The following TIMP3 variants were observed in gnomAD, a reference collection of about 807,000 sequenced individuals.
TIMP3 encodes TIMP metallopeptidase inhibitor 3.
TIMP3 carries 11 observed loss-of-function variants against 30.0 expected under a neutral mutation model. The observed-to-expected ratio is 0.37, with a 90% CI of 0.23 to 0.61. The LOEUF (loss-of-function observed/expected upper bound fraction) is 0.61. Ranked by LOEUF, TIMP3 falls within the 20% of genes least tolerant of loss-of-function variation. The pLI is 0.70. For missense variants in TIMP3, 181 were observed against 276.8 expected (o/e 0.65, Z 2.45); for synonymous variants, 112 against 111.3 (o/e 1.01, Z -0.04).
At chr22:32,811,482 G>C (rs2046913452) in intron 1 of TIMP3, among the ~76,000 whole-genome samples, 1 of 152,184 alleles carries the variant, frequency 6.6e-6, no homozygotes, top group Non-Finnish European at 1.5e-5. Flanking sequence ...GGGTCATATA[G>C]AGAGAGCTGA....
In TIMP3 at chr22:32,862,899, G is replaced by A. The variant is rs2048585337; in HGVS notation, c.*3522G>A. 1 of 152,694 alleles carries A rather than the reference G, an allele frequency of 6.5e-6. No homozygotes were observed. Among genetic ancestry groups the A allele is most frequent in the Non-Finnish European group, 1.5e-5 (1 of 68,032 alleles). The allele number at this position is 152,694 out of a possible 1,614,324, so 9.5% of individuals were successfully genotyped here. ...AGGAATGTATTTGTTGCTAAATTTC[G>A]TAGCACTGTTTACAGTTTTCCTCCA... On this transcript the variant is annotated 3_prime_UTR_variant, in exon 5 of 5. Transcript: ENST00000266085.
chr22:32,837,883 T>C lies in TIMP3; in HGVS notation c.122-11569T>C, dbSNP rs145883649. Among the ~76,000 whole-genome samples, 1 of 152,268 alleles carries C rather than the reference T, an allele frequency of 6.6e-6. No homozygotes were observed. The highest frequency in any genetic ancestry group is 1.9e-4 in the East Asian group (1 of 5,168). Reference sequence around the variant, plus strand: ...ACTTTGTTGGACTCTCTGTTTTCTGTCTCTCCAATGGGCTGGACTCTCCAG... The same window carrying C: ...ACTTTGTTGGACTCTCTGTTTTCTGCCTCTCCAATGGGCTGGACTCTCCAG... On this transcript the variant is annotated intron_variant, in intron 1 of 4. Transcript: ENST00000266085. This position sits in a 1 kb window ranked among gnomAD's most constrained non-coding sequence, Gnocchi z 4.1.
chr22:32,849,347 G>A (rs1019893066), intron 1 of TIMP3, 105 bp from the exon 2 acceptor site: 27 of 908,830 alleles, frequency 3.0e-5, no homozygotes, highest in Non-Finnish European at 4.1e-5. Flanking sequence ...CAAGGTAAGA[G>A]TGCAATTCCA....
chr22:32,816,700 T>C (rs533856913), intron 1 of TIMP3, among the ~76,000 whole-genome samples: 1 of 152,298 alleles, frequency 6.6e-6, no homozygotes, highest in South Asian at 2.1e-4. Flanking sequence ...AAATTTGCCA[T>C]CAGACTTGGA....
chr22:32,840,055 C>G (rs748377084), intron 1 of TIMP3, among the ~76,000 whole-genome samples: 1 of 151,960 alleles, frequency 6.6e-6, no homozygotes, highest in African/African-American at 2.4e-5. Context: ...CTGGGGACCC[C>G]GGAACACAAG....
chr22:32,815,607 A>G (rs539876367), intron 1 of TIMP3, among the ~76,000 whole-genome samples: 40 of 152,342 alleles, frequency 2.6e-4, no homozygotes, highest in Admixed American at 9.2e-4. Flanking sequence ...GTTGACAGCT[A>G]TTTTAAGATC....
At chr22:32,840,028 C>T (rs977904604) in intron 1 of TIMP3, among the ~76,000 whole-genome samples, 2 of 152,026 alleles carry the variant, frequency 1.3e-5, no homozygotes, top group African/African-American at 4.8e-5. Flanking sequence ...ACAGGGCATC[C>T]CCAGGACAGA....
intron 2 of TIMP3, among the ~76,000 whole-genome samples, chr22:32,852,426 G>A (rs2146260756): frequency 6.6e-6 from 1 of 152,288 alleles, no homozygotes; most frequent in South Asian, 2.1e-4. Context: ...TGCAAAGGGT[G>A]TATCAGAAAA....
intron 1 of TIMP3, among the ~76,000 whole-genome samples, chr22:32,820,041 G>T (rs1046751266): frequency 1.3e-5 from 2 of 152,078 alleles, no homozygotes; most frequent in Admixed American, 1.3e-4. Flanking sequence ...GGTGTGGGGG[G>T]TGGTGCAAGC....
At chr22:32,856,769 C>T (rs527859138) in intron 2 of TIMP3, among the ~76,000 whole-genome samples, 12 of 152,260 alleles carry the variant, frequency 7.9e-5, no homozygotes, top group South Asian at 4.1e-4. Flanking sequence ...ACTTGTTCTG[C>T]GTACTCGTAT....
At chr22:32,857,915 C>T (rs943270058) in intron 3 of TIMP3, 102 bp from the exon 4 acceptor site, 2 of 1,574,350 alleles carry the variant, frequency 1.3e-6, no homozygotes, top group Admixed American at 3.3e-5. Flanking sequence ...AAGTACCCAG[C>T]CACAGTGCCT....
chr22:32,826,484 T>C (rs1035681879), intron 1 of TIMP3, among the ~76,000 whole-genome samples: 2 of 151,904 alleles, frequency 1.3e-5, no homozygotes, highest in East Asian at 3.9e-4. Context: ...TGTAAGAAAA[T>C]AAAGAGCATG....
chr22:32,832,273 C>A (rs2047595042), intron 1 of TIMP3, among the ~76,000 whole-genome samples: 1 of 151,812 alleles, frequency 6.6e-6, no homozygotes, highest in Non-Finnish European at 1.5e-5. Flanking sequence ...TGGACCACTA[C>A]AACGAAGAGA....
chr22:32,824,463 T>G (rs1166664487), intron 1 of TIMP3, among the ~76,000 whole-genome samples: 2 of 152,126 alleles, frequency 1.3e-5, no homozygotes, highest in African/African-American at 4.8e-5. Flanking sequence ...ATATAGGGAC[T>G]GGCACCACCA....
intron 1 of TIMP3, among the ~76,000 whole-genome samples, chr22:32,814,188 A>AG (rs1247146931): frequency 0.029 from 4,180 of 143,104 alleles, 73 homozygotes; most frequent in Non-Finnish European, 0.035. Context: ...AAGAAAAGAA[A>AG]GAAAGAAAGA....
At chr22:32,836,870 A>G (rs1484984237) in intron 1 of TIMP3, among the ~76,000 whole-genome samples, 6 of 152,238 alleles carry the variant, frequency 3.9e-5, no homozygotes, top group South Asian at 2.1e-4. Context: ...TCTGTGCTGT[A>G]TAAAATCCAT....
chr22:32,818,358 C>A (rs1437859152), intron 1 of TIMP3, among the ~76,000 whole-genome samples: 2 of 152,194 alleles, frequency 1.3e-5, no homozygotes, highest in African/African-American at 4.8e-5. Context: ...TCTTAGTTAG[C>A]CCAGGGGCTG....
intron 1 of TIMP3, among the ~76,000 whole-genome samples, chr22:32,828,125 C>CGA (rs1046349637): frequency 6.6e-6 from 1 of 152,232 alleles, no homozygotes; most frequent in Non-Finnish European, 1.5e-5. Context: ...ACTTGAAACT[C>CGA]TAACATTTGT....
At chr22:32,858,297 T>C (rs1402683495) in intron 4 of TIMP3, among the ~76,000 whole-genome samples, 159 bp downstream of exon 4, 1 of 152,068 alleles carries the variant, frequency 6.6e-6, no homozygotes, top group East Asian at 1.9e-4. Flanking sequence ...TAGTAAGGAT[T>C]GTTGCCCCAG....
Sources: allele counts gnomAD v4.1 joint callset (sites outside exome capture counted in the v4.1 genomes callset), GRCh38; gene constraint gnomAD v4.1.1; non-coding constraint Gnocchi (gnomAD v3.1); transcripts MANE v1.5; gene names NCBI Gene and HGNC (gene_info 2026-07-23, HGNC 2026-07-21).